Variants in RUNDC3B observed in about 807,000 individuals in gnomAD.
RUNDC3B encodes the protein RUN domain-containing protein 3B.
A neutral mutation model predicts 58.4 loss-of-function variants in RUNDC3B; 33 were observed. The observed-to-expected ratio is 0.56, with a 90% CI of 0.43 to 0.75. The LOEUF (loss-of-function observed/expected upper bound fraction) is 0.75. Ranked by LOEUF, RUNDC3B falls within the 30% of genes least tolerant of loss-of-function variation. The pLI, the probability that RUNDC3B is intolerant of heterozygous loss-of-function variation, is 0.00. For missense variants in RUNDC3B, 501 were observed against 535.7 expected, an observed-to-expected ratio of 0.94 and a Z score of 0.64; for synonymous variants, 193 against 195.2, an observed-to-expected ratio of 0.99 and a Z score of 0.10.
chr7:87,762,220 A>T (rs1833731176), intron 6 of RUNDC3B, among the ~76,000 whole-genome samples: 1 of 151,688 alleles, frequency 6.6e-6, no homozygotes, highest in Admixed American at 6.6e-5. Flanking sequence ...ATCTATTAAA[A>T]TTATTCATAT....
intron 8 of RUNDC3B, among the ~76,000 whole-genome samples, chr7:87,796,838 A>C (rs1454568559): frequency 3.9e-5 from 6 of 152,224 alleles, no homozygotes; most frequent in African/African-American, 1.4e-4. Flanking sequence ...ACAGTAATTT[A>C]AAGCTGTATG....
chr7:87,794,667 A>T (rs914988857), intron 8 of RUNDC3B, among the ~76,000 whole-genome samples: 2 of 152,212 alleles, frequency 1.3e-5, no homozygotes, highest in East Asian at 1.9e-4. Context: ...ACCACAAAAA[A>T]CCCAGAATAG....
intron 2 of RUNDC3B, among the ~76,000 whole-genome samples, chr7:87,652,127 GC>G (rs1823638255): frequency 6.6e-6 from 1 of 152,038 alleles, no homozygotes; most frequent in Non-Finnish European, 1.5e-5. Context: ...TATAAACAAT[GC>G]CTAACTAAAA....
intron 1 of RUNDC3B, among the ~76,000 whole-genome samples, chr7:87,634,493 G>T (rs1384132466): frequency 5.2e-5 from 6 of 114,668 alleles, no homozygotes; most frequent in Non-Finnish European, 9.4e-5. Context: ...GTGGTGGGGG[G>T]TGGGGGGGGG....
At chr7:87,686,702 G>T (rs1038553834) in intron 2 of RUNDC3B, among the ~76,000 whole-genome samples, 1 of 151,462 alleles carries the variant, frequency 6.6e-6, no homozygotes, top group African/African-American at 2.4e-5. Context: ...CACTTTGGGA[G>T]CCAAGGCAGG....
intron 6 of RUNDC3B, among the ~76,000 whole-genome samples, chr7:87,755,875 A>T (rs1003673703): frequency 6.6e-6 from 1 of 152,208 alleles, no homozygotes; most frequent in African/African-American, 2.4e-5. Flanking sequence ...AGCCAGAGCA[A>T]TCAGGCAAGA....
intron 2 of RUNDC3B, among the ~76,000 whole-genome samples, chr7:87,656,203 T>C (rs894674185): frequency 8.5e-5 from 13 of 152,170 alleles, no homozygotes; most frequent in Non-Finnish European, 1.8e-4. Flanking sequence ...CCATGATATA[T>C]ACAAATTTCA....
chr7:87,829,307 CTTTAG>C (rs1033135355), intron 10 of RUNDC3B, among the ~76,000 whole-genome samples: 5 of 152,106 alleles, frequency 3.3e-5, no homozygotes, highest in Non-Finnish European at 4.4e-5. Flanking sequence ...TGCAGAAGCT[CTTTAG>C]TTTAATTAGG....
chr7:87,652,152 G>T (rs1341768846), intron 2 of RUNDC3B, among the ~76,000 whole-genome samples: 1 of 152,050 alleles, frequency 6.6e-6, no homozygotes, highest in African/African-American at 2.4e-5. Flanking sequence ...ATATGGAATA[G>T]AATAGACTCT....
At chr7:87,745,867 C>T (rs753437024) in intron 6 of RUNDC3B, among the ~76,000 whole-genome samples, 1 of 151,894 alleles carries the variant, frequency 6.6e-6, no homozygotes, top group African/African-American at 2.4e-5. Context: ...GTTCTTGTTT[C>T]TCTAGTGCCT....
At chr7:87,808,721 T>A (rs1836562136) in intron 9 of RUNDC3B, among the ~76,000 whole-genome samples, 1 of 152,114 alleles carries the variant, frequency 6.6e-6, no homozygotes. Flanking sequence ...TATGCCCTTA[T>A]GAAAGTTATT....
At chr7:87,671,012 AG>A (rs1825775554) in intron 2 of RUNDC3B, among the ~76,000 whole-genome samples, 1 of 152,180 alleles carries the variant, frequency 6.6e-6, no homozygotes, top group Admixed American at 6.5e-5. Flanking sequence ...CAGCAGAGAA[AG>A]GGATCTTATT....
At chr7:87,670,601 G>A (rs752793221) in intron 2 of RUNDC3B, among the ~76,000 whole-genome samples, 1 of 152,228 alleles carries the variant, frequency 6.6e-6, no homozygotes, top group African/African-American at 2.4e-5. Context: ...ATCTCTGTGT[G>A]TGGGTGTTCC....
chr7:87,735,315 A>T (rs1199613825), intron 4 of RUNDC3B, among the ~76,000 whole-genome samples: 2 of 152,154 alleles, frequency 1.3e-5, no homozygotes, highest in Non-Finnish European at 2.9e-5. Flanking sequence ...TCTTACAGTC[A>T]TCTAGACCTC....
At chr7:87,734,718 G>T (rs1831817828) in intron 4 of RUNDC3B, among the ~76,000 whole-genome samples, 4 of 151,902 alleles carry the variant, frequency 2.6e-5, no homozygotes, top group Non-Finnish European at 5.9e-5. Flanking sequence ...ACTCCACCAA[G>T]AATTTTTAAA....
intron 7 of RUNDC3B, among the ~76,000 whole-genome samples, chr7:87,776,337 A>G (rs1206411458): frequency 6.6e-6 from 1 of 152,176 alleles, no homozygotes; most frequent in Admixed American, 6.5e-5. Flanking sequence ...AGAAGAGTGA[A>G]TAAACTGCAA....
At chr7:87,631,856 A>G (rs924746928) in intron 1 of RUNDC3B, among the ~76,000 whole-genome samples, 1 of 152,156 alleles carries the variant, frequency 6.6e-6, no homozygotes, top group Admixed American at 6.5e-5. Context: ...TGTTGTCTGT[A>G]AAATAATATT....
chr7:87,812,710 G>T (rs1446721340), intron 9 of RUNDC3B, among the ~76,000 whole-genome samples: 3 of 152,094 alleles, frequency 2.0e-5, no homozygotes, highest in Non-Finnish European at 4.4e-5. Flanking sequence ...TTACTGTCTT[G>T]GGTTCTTATT....
chr7:87,816,411 G>T (rs1837038182), intron 10 of RUNDC3B, 149 bp downstream of exon 10: 3 of 598,266 alleles, frequency 5.0e-6, no homozygotes, highest in Non-Finnish European at 8.5e-6. Flanking sequence ...GTCTGCCTTT[G>T]TGTCTTTCTC....
Sources: gnomAD v4.1 joint callset for allele counts (sites outside exome capture counted in the v4.1 genomes callset) on GRCh38, gnomAD v4.1.1 for gene constraint, MANE v1.5 for transcripts, NCBI Gene and HGNC (gene_info 2026-07-23, HGNC 2026-07-21) for gene names.